The following UNC79 variants were observed in gnomAD, a reference collection of about 807,000 sequenced individuals.
The protein encoded by UNC79 is unc-79 subunit of NALCN channel complex.
In UNC79, 37 loss-of-function variants were observed where a neutral mutation model predicts 283.1. That is an observed-to-expected ratio of 0.13 (90% confidence interval 0.10 to 0.17). UNC79 has a LOEUF of 0.17. Among genes scored for constraint, UNC79 ranks in the 10% least tolerant of loss-of-function variants. The pLI, the probability that UNC79 is intolerant of heterozygous loss-of-function variation, is 1.00. For synonymous variants in UNC79, 1,107 were observed against 1,200.2 expected (o/e 0.92, Z 1.61); for missense variants, 2,272 against 3,211.1 (o/e 0.71, Z 7.07).
chr14:93,335,862 C>T (rs1306678229), intron 1 of UNC79, among the ~76,000 whole-genome samples: 1 of 152,210 alleles, frequency 6.6e-6, no homozygotes, highest in Non-Finnish European at 1.5e-5. Flanking sequence ...CCTAACACCT[C>T]TTTTTATCTT....
At chr14:93,447,148 T>C (rs1451681873) in intron 1 of UNC79, among the ~76,000 whole-genome samples, 1 of 152,198 alleles carries the variant, frequency 6.6e-6, no homozygotes, top group Non-Finnish European at 1.5e-5. Context: ...TGTTAATATA[T>C]TTTGCTTTGA....
intron 19 of UNC79, among the ~76,000 whole-genome samples, chr14:93,581,448 C>T (rs532179021): frequency 6.9e-6 from 1 of 145,902 alleles, no homozygotes; most frequent in African/African-American, 2.5e-5. Flanking sequence ...ACTGGGATTA[C>T]AGGCATGAAC....
chr14:93,415,456 A>C (rs893889520), intron 1 of UNC79, among the ~76,000 whole-genome samples: 1 of 152,188 alleles, frequency 6.6e-6, no homozygotes, highest in Admixed American at 6.5e-5. Flanking sequence ...ATCAATGTTC[A>C]TCAAGGATAT....
chr14:93,542,758 T>TTA, intron 14 of UNC79, 62 bp downstream of exon 14: 1 of 1,541,392 alleles, frequency 6.5e-7, no homozygotes, highest in Non-Finnish European at 9.0e-7. Flanking sequence ...AAGTGCTGCC[T>TTA]TAGCCATGTG....
intron 30 of UNC79, among the ~76,000 whole-genome samples, chr14:93,629,637 C>G (rs1172119554): frequency 6.6e-6 from 1 of 152,158 alleles, no homozygotes; most frequent in Non-Finnish European, 1.5e-5. Flanking sequence ...AGACCCTCAC[C>G]TAGGATCTGT....
At chr14:93,659,370 T>C (rs556621762) in intron 39 of UNC79, 109 bp downstream of exon 42, 17 of 833,966 alleles carry the variant, frequency 2.0e-5, no homozygotes, top group African/African-American at 1.4e-4. Flanking sequence ...ACTGAATGCT[T>C]CCCTTTCAGC....
At position 93,621,863 on chromosome 14, in the gene UNC79, G is replaced by T; in HGVS notation, c.4630G>T (p.Asp1544Tyr). The change falls in exon 30 of 49, where the codon GAC (aspartate) becomes TAC (tyrosine). Residue 1544 changes from aspartate (D) to tyrosine (Y), a missense_variant. By Grantham distance (160) the Asp-to-Tyr change is radical. Around this residue, in one of 11 missense-constraint regions of UNC79, gnomAD observed 580 missense variants for 632.2 expected, o/e 0.92. Transcript: ENST00000555664. This position sits in a 1 kb window ranked among gnomAD's most constrained non-coding sequence, Gnocchi z 4.8. ...TGCGTATATCGCACAAAGACCAAAC[G>T]ACCCTGGACGTTCTAGACAGAACTC... 1 of 1,614,012 alleles carries T rather than the reference G, an allele frequency of 6.2e-7. No homozygotes were observed.
intron 35 of UNC79, among the ~76,000 whole-genome samples, chr14:93,647,947 T>TC (rs2069810446): frequency 6.6e-6 from 1 of 152,014 alleles, no homozygotes; most frequent in African/African-American, 2.4e-5. Flanking sequence ...AACCATCAGA[T>TC]CTCGTGAGAC....
chr14:93,383,529 A>G (rs889460561), intron 1 of UNC79, among the ~76,000 whole-genome samples: 6 of 152,248 alleles, frequency 3.9e-5, no homozygotes, highest in Non-Finnish European at 7.3e-5. Flanking sequence ...TTATGTCTAA[A>G]AAACAATATG....
chr14:93,395,656 C>T (rs1259821284), intron 1 of UNC79, among the ~76,000 whole-genome samples: 1 of 152,108 alleles, frequency 6.6e-6, no homozygotes, highest in African/African-American at 2.4e-5. Flanking sequence ...GTTTTGCTGG[C>T]TATAGAATTT....
chr14:93,395,572 G>C (rs1240573732), intron 1 of UNC79, among the ~76,000 whole-genome samples: 1 of 152,226 alleles, frequency 6.6e-6, no homozygotes, highest in Non-Finnish European at 1.5e-5. Flanking sequence ...AGGTGATGGG[G>C]AGGGCCCCCA....
intron 1 of UNC79, among the ~76,000 whole-genome samples, chr14:93,377,880 A>G (rs1315089967): frequency 3.9e-5 from 6 of 152,246 alleles, no homozygotes; most frequent in Non-Finnish European, 8.8e-5. Flanking sequence ...AGAGAATTAC[A>G]TACAGCTTTC....
intron 40 of UNC79, among the ~76,000 whole-genome samples, chr14:93,668,772 A>T (rs1380980790): frequency 1.3e-5 from 2 of 150,560 alleles, no homozygotes; most frequent in Admixed American, 6.6e-5. Flanking sequence ...TAGCCCCAGG[A>T]GGTAGAGGTT....
At chr14:93,612,415 T>C (rs1485773570) in intron 26 of UNC79, among the ~76,000 whole-genome samples, 1 of 152,230 alleles carries the variant, frequency 6.6e-6, no homozygotes, top group Non-Finnish European at 1.5e-5. Flanking sequence ...TACATGCTTA[T>C]TTTACAAAGC....
At chr14:93,433,447 A>C (rs114313486) in intron 1 of UNC79, among the ~76,000 whole-genome samples, 2,055 of 152,346 alleles carry the variant, frequency 0.013, 54 homozygotes, top group African/African-American at 0.047. Flanking sequence ...CATGAAGGAC[A>C]AATACTTTTT....
chr14:93,659,422 G>T (rs542427120), intron 39 of UNC79, among the ~76,000 whole-genome samples, 161 bp downstream of exon 42: 2 of 152,208 alleles, frequency 1.3e-5, no homozygotes, highest in South Asian at 4.2e-4. Flanking sequence ...CTTGTATAAA[G>T]AACTCTATCT....
chr14:93,588,025 A>G (rs1452576476), intron 22 of UNC79, among the ~76,000 whole-genome samples: 2 of 152,218 alleles, frequency 1.3e-5, no homozygotes, highest in African/African-American at 4.8e-5. Flanking sequence ...AGAGTTGGAA[A>G]GAAGGGACCA....
chr14:93,470,109 G>C lies in UNC79; in HGVS notation c.143+2318G>C, dbSNP rs1373760700. Among the ~76,000 whole-genome samples the C allele has an allele frequency of 2.0e-5, 3 of 152,222 alleles. No individual in the cohort carries two copies. In the East Asian group the frequency reaches 5.8e-4, roughly 29 times the overall value. The stretch of plus-strand genomic sequence containing the variant: ...GAAAAATAACAAGAAGAAAGAATTA[G>C]AGATGAATTCTCACGAAGTAACTAT... On this transcript the variant is annotated intron_variant, in intron 2 of 48. Transcript: ENST00000555664.
intron 7 of UNC79, 92 bp downstream of exon 7, chr14:93,497,378 G>A (rs1053667485): frequency 2.8e-6 from 4 of 1,424,680 alleles, no homozygotes. Flanking sequence ...TATCTTGCTG[G>A]ATTATATTTT....
Sources: gnomAD v4.1 joint callset for allele counts (sites outside exome capture counted in the v4.1 genomes callset) on GRCh38, gnomAD v4.1.1 for gene constraint, gnomAD v4.1.1 regional missense constraint, Gnocchi (gnomAD v3.1) non-coding constraint, MANE v1.5 for transcripts, NCBI Gene and HGNC (gene_info 2026-07-23, HGNC 2026-07-21) for gene names.